KIF3B: variants seen among roughly 807,000 people sequenced by gnomAD.
KIF3B encodes the protein kinesin family member 3B, also known as kinesin-like protein KIF3B.
Under a neutral mutation model 74.3 loss-of-function variants are expected in KIF3B, and 38 were observed. The ratio of observed to expected loss-of-function variants is 0.51; its 90% CI spans 0.39 to 0.67. KIF3B has a LOEUF of 0.67. Ranked by LOEUF, KIF3B falls within the 30% of genes least tolerant of loss-of-function variation. The pLI is 0.00. For synonymous variants in KIF3B, 326 were observed against 342.5 expected (o/e 0.95, Z 0.53); for missense variants, 649 against 932.0 (o/e 0.70, Z 3.95).
chr20:32,307,159 A>G (rs1054872014), intron 1 of KIF3B, among the ~76,000 whole-genome samples: 4 of 152,102 alleles, frequency 2.6e-5, no homozygotes, highest in African/African-American at 9.7e-5. Flanking sequence ...AGCCTCCCCC[A>G]TTATGGACAT....
chr20:32,301,751 T>TA (rs1221258521), intron 1 of KIF3B, among the ~76,000 whole-genome samples: 1 of 152,188 alleles, frequency 6.6e-6, no homozygotes, highest in East Asian at 1.9e-4. Context: ...ACCTCTCTCT[T>TA]ACGCTTTCCA....
chr20:32,334,418 C>T lies in KIF3B; in HGVS notation c.*3099C>T, dbSNP rs1055731506. On this transcript the variant is annotated 3_prime_UTR_variant, in exon 9 of 9. Coordinates refer to ENST00000375712, the MANE Select transcript of KIF3B (RefSeq NM_004798.4). ...CTGCAACTGGGGCGTGGGCCGCTCT[C>T]TGCTTTTCCTGTCTGACTCTGACAA... is the stretch of plus-strand genomic sequence containing the variant. The T allele has an allele frequency of 5.2e-5, 8 of 152,660 alleles. No individual in the cohort carries two copies. Among genetic ancestry groups the T allele is most frequent in the Admixed American group, 6.5e-5 (1 of 15,268 alleles). The allele number at this position is 152,660 out of a possible 1,614,324, so 9.5% of individuals were successfully genotyped here. A position where few individuals can be genotyped will look rare whatever the true frequency, so the allele number is the denominator to read the frequency against.
chr20:32,331,098 T>A, intron 8 of KIF3B, 125 bp from the exon 9 acceptor site: 1 of 744,578 alleles, frequency 1.3e-6, no homozygotes, highest in South Asian at 1.6e-5. Context: ...GTGTAGTGGT[T>A]TTACAGTTGA....
At chr20:32,330,957 G>A (rs1320519089) in intron 8 of KIF3B, among the ~76,000 whole-genome samples, 1 of 152,174 alleles carries the variant, frequency 6.6e-6, no homozygotes, top group African/African-American at 2.4e-5. Flanking sequence ...TTATCAATCA[G>A]GGAAGGACAG....
chr20:32,321,799 G>A (rs939297706), intron 5 of KIF3B, among the ~76,000 whole-genome samples: 2 of 152,090 alleles, frequency 1.3e-5, no homozygotes, highest in Non-Finnish European at 2.9e-5. Flanking sequence ...TCATGTCTCT[G>A]TGTAAGCATT....
chr20:32,277,692 A>G lies in KIF3B; in HGVS notation c.-139A>G, dbSNP rs916066903. On this transcript the variant is annotated 5_prime_UTR_variant, in exon 1 of 9. Transcript: ENST00000375712. The stretch of plus-strand genomic sequence containing the variant: ...CGGGGCAGCGGGGAATGGCTGAGCC[A>G]GGGGTTCGCCGCCCCCGCCGCCGCC... 7 of 257,798 alleles carry G rather than the reference A, an allele frequency of 2.7e-5. No individual in the cohort carries two copies. Among genetic ancestry groups the G allele is most frequent in the Admixed American group, 1.7e-4 (3 of 17,608 alleles). 16.0% of individuals were successfully genotyped at this position (257,798 alleles called of 1,614,324 possible).
intron 1 of KIF3B, among the ~76,000 whole-genome samples, chr20:32,286,721 A>T (rs1464983846): frequency 6.6e-6 from 1 of 152,166 alleles, no homozygotes; most frequent in Non-Finnish European, 1.5e-5. Context: ...ATGTATTCCT[A>T]AATACATTTT....
At chr20:32,315,673 A>G (rs1383607171) in intron 2 of KIF3B, among the ~76,000 whole-genome samples, 1 of 152,278 alleles carries the variant, frequency 6.6e-6, no homozygotes, top group South Asian at 2.1e-4. Context: ...TGATCGTGCC[A>G]CCGCATTCCA....
At position 32,319,279 on chromosome 20, in the gene KIF3B, C is replaced by T. The variant is rs147170936; in HGVS notation, c.1748+2405C>T. Among the ~76,000 whole-genome samples, 202 of 151,588 alleles carry T rather than the reference C, an allele frequency of 1.3e-3. 6 individuals carry two copies. The highest frequency in any genetic ancestry group is 9.9e-3 in the Admixed American group (151 of 15,176). On this transcript the variant is annotated intron_variant, in intron 5 of 8. Transcript: ENST00000375712. ...CCCGGCCTCTCCACATCCTTGTCGA[C>T]ACTTGTTATTTCCTGTCTCTTTTAT...
At chr20:32,315,193 T>C (rs1267056183) in intron 2 of KIF3B, among the ~76,000 whole-genome samples, 2 of 152,180 alleles carry the variant, frequency 1.3e-5, no homozygotes, top group Non-Finnish European at 2.9e-5. Context: ...ACACATCTGA[T>C]TGTGTAGCCT....
chr20:32,312,125 T>C (rs2047804047), intron 2 of KIF3B, among the ~76,000 whole-genome samples: 1 of 150,522 alleles, frequency 6.6e-6, no homozygotes. Flanking sequence ...TCTTTCTTTT[T>C]TTTTTTTGAG....
intron 1 of KIF3B, among the ~76,000 whole-genome samples, chr20:32,302,248 G>A (rs1338502668): frequency 6.6e-6 from 1 of 152,232 alleles, no homozygotes; most frequent in Non-Finnish European, 1.5e-5. Context: ...AATTAACTTA[G>A]TCCATTTTCC....
At chr20:32,308,119 C>T (rs1017332925) in intron 1 of KIF3B, among the ~76,000 whole-genome samples, 1 of 151,888 alleles carries the variant, frequency 6.6e-6, no homozygotes, top group Admixed American at 6.6e-5. Flanking sequence ...GCCTGTAGTC[C>T]CAGCTACTTG....
chr20:32,287,309 C>T (rs1201452303), intron 1 of KIF3B, among the ~76,000 whole-genome samples: 1 of 151,660 alleles, frequency 6.6e-6, no homozygotes, highest in African/African-American at 2.4e-5. Flanking sequence ...AGCCACCAGG[C>T]CCAATCTATT....
In KIF3B at chr20:32,291,166, C is replaced by T. The variant is rs536821679; in HGVS notation, c.-66+13401C>T. On this transcript the variant is annotated intron_variant, in intron 1 of 8. Transcript: ENST00000375712. The stretch of plus-strand genomic sequence containing the variant: ...TTCAGCTTTGCAAGATGAAAAAGTT[C>T]TAGAAATGTGTTATACAACAATGTG... 1.9e-4 allele frequency among the ~76,000 whole-genome samples: 29 copies of T among 152,208 alleles called. 1 individual carries two copies. In the South Asian group the frequency reaches 6.0e-3, roughly 32 times the overall value.
intron 1 of KIF3B, among the ~76,000 whole-genome samples, chr20:32,304,090 A>G (rs1214838750): frequency 2.0e-5 from 3 of 152,154 alleles, no homozygotes; most frequent in African/African-American, 4.8e-5. Flanking sequence ...ATTTTTTCAG[A>G]TTTACAGAAA....
chr20:32,310,329 C>A lies in KIF3B; in HGVS notation c.552C>A (p.Thr184=). 6.2e-7 allele frequency: 1 copy of A among 1,613,912 alleles called. No homozygotes were observed. The highest frequency in any genetic ancestry group is 8.5e-7 in the Non-Finnish European group (1 of 1,179,840). ...TGAAAGACCTGTCTTCCTTTGTCAC[C>A]AAGAGTGTGAAGGAGATAGAGCATG... ...VYVKDLSSFV[T]KSVKEIEHVM... The change falls in exon 2 of 9, where the codon ACC becomes ACA. Residue 184 remains threonine (T), a synonymous_variant. Coordinates refer to ENST00000375712, the MANE Select transcript of KIF3B (RefSeq NM_004798.4). This position sits in a 1 kb window ranked among gnomAD's most constrained non-coding sequence, Gnocchi z 6.5.
Position 32,330,314 on chromosome 20 carries a change from G to A in KIF3B, c.2142G>A (p.Lys714=). The part of the protein sequence containing the change: ...SFESTANKKS[K]ARPKSGRKSG... ...AAAGCACTGCAAATAAGAAATCCAA[G>A]GCCAGGTGAGTGGCTTTGATGACGT... The change falls in exon 8 of 9, where the codon AAG becomes AAA. Residue 714 remains lysine (K), a synonymous_variant. Transcript: ENST00000375712. 1.2e-6 allele frequency: 2 copies of A among 1,613,576 alleles called. No homozygotes were observed. Among genetic ancestry groups the A allele is most frequent in the Non-Finnish European group, 1.7e-6 (2 of 1,179,702 alleles).
intron 8 of KIF3B, 76 bp downstream of exon 8, chr20:32,330,395 A>G (rs2047924698): frequency 7.5e-7 from 1 of 1,328,144 alleles, no homozygotes; most frequent in Non-Finnish European, 1.1e-6. Flanking sequence ...ATGCTTGTTT[A>G]TCATGGAATA....
Sources: allele counts gnomAD v4.1 joint callset (sites outside exome capture counted in the v4.1 genomes callset), GRCh38; gene constraint gnomAD v4.1.1; non-coding constraint Gnocchi (gnomAD v3.1); transcripts MANE v1.5; gene names NCBI Gene and HGNC (gene_info 2026-07-23, HGNC 2026-07-21).